The following SLC22A16 variants were observed in gnomAD, a reference collection of about 807,000 sequenced individuals.
The protein encoded by SLC22A16 is WUGSC:RG331P03.1.
Under a neutral mutation model 52.9 loss-of-function variants are expected in SLC22A16, and 53 were observed. That is an observed-to-expected ratio of 1.00 (90% confidence interval 0.80 to 1.26). SLC22A16 has a LOEUF of 1.26. SLC22A16 is among the 50% of genes most tolerant of loss of function. The probability of loss-of-function intolerance (pLI) is 0.00; values close to 1 mark genes in which losing one functional copy is unlikely to be tolerated. For synonymous variants in SLC22A16, 291 were observed against 268.8 expected, an observed-to-expected ratio of 1.08 and a Z score of -0.81; for missense variants, 726 against 704.0, an observed-to-expected ratio of 1.03 and a Z score of -0.35.
chr6:110,462,513 C>T lies in SLC22A16; in HGVS notation c.54-5496G>A, dbSNP rs1425236251. Among the ~76,000 whole-genome samples, 5 of 152,008 alleles carry T rather than the reference C, an allele frequency of 3.3e-5. No individual in the cohort carries two copies. The East Asian group carries it at 9.7e-4, about 29-fold the overall frequency. ...CTTTAACTATAGTGAAAGACTAGACCAAGCAGAAAAGATAATTTCAGAGCT... is the reference window on the plus strand; with the variant it reads ...CTTTAACTATAGTGAAAGACTAGACTAAGCAGAAAAGATAATTTCAGAGCT... On this transcript the variant is annotated intron_variant, in intron 1 of 7. Coordinates refer to ENST00000368919, the MANE Select transcript of SLC22A16 (RefSeq NM_033125.4).
At chr6:110,473,254 TGAA>T (rs1176768866) in intron 1 of SLC22A16, among the ~76,000 whole-genome samples, 8 of 152,084 alleles carry the variant, frequency 5.3e-5, no homozygotes, top group African/African-American at 1.9e-4. Context: ...TATCCATTGA[TGAA>T]GGTCTGCCAC....
chr6:110,441,552 G>A (rs930133847), intron 4 of SLC22A16, among the ~76,000 whole-genome samples: 18 of 152,334 alleles, frequency 1.2e-4, no homozygotes, highest in Non-Finnish European at 2.2e-4. Context: ...GGCAACGTTT[G>A]TTGGGGATGC....
intron 3 of SLC22A16, 87 bp from the exon 4 acceptor site, chr6:110,442,862 A>G: frequency 8.3e-7 from 1 of 1,204,468 alleles, no homozygotes; most frequent in Non-Finnish European, 1.2e-6. Context: ...ACATATAGGC[A>G]AAAAAGAAAA....
At chr6:110,435,105 T>C (rs999154583) in intron 6 of SLC22A16, among the ~76,000 whole-genome samples, 2 of 152,174 alleles carry the variant, frequency 1.3e-5, no homozygotes, top group African/African-American at 4.8e-5. Context: ...TTTGAGAACC[T>C]CCAGATAAGG....
intron 1 of SLC22A16, among the ~76,000 whole-genome samples, chr6:110,474,557 G>C (rs956651570): frequency 1.1e-4 from 17 of 152,204 alleles, no homozygotes; most frequent in Admixed American, 1.0e-3. Flanking sequence ...GGGAACTCAG[G>C]TAATGATAAT....
chr6:110,453,388 C>T (rs1226662490), intron 2 of SLC22A16, among the ~76,000 whole-genome samples: 2 of 152,092 alleles, frequency 1.3e-5, no homozygotes, highest in Non-Finnish European at 2.9e-5. Context: ...TATGAGAATC[C>T]TCTCAGGCCC....
intron 2 of SLC22A16, among the ~76,000 whole-genome samples, chr6:110,447,578 T>G (rs1775225084): frequency 6.6e-6 from 1 of 152,226 alleles, no homozygotes; most frequent in South Asian, 2.1e-4. Context: ...ATTTGCAAGG[T>G]TGTGCAACCA....
intron 7 of SLC22A16, among the ~76,000 whole-genome samples, chr6:110,430,256 C>G (rs1424701791): frequency 6.6e-6 from 1 of 152,076 alleles, no homozygotes; most frequent in Non-Finnish European, 1.5e-5. Flanking sequence ...CTTGAGGCCA[C>G]TGACCTATCC....
chr6:110,475,871 CA>C (rs1776448313), intron 1 of SLC22A16: 1 of 455,304 alleles, frequency 2.2e-6, no homozygotes, highest in Admixed American at 2.4e-5. Context: ...GTGGTTCCAC[CA>C]TGCGTTGGCT....
intron 2 of SLC22A16, among the ~76,000 whole-genome samples, chr6:110,454,658 T>C (rs1173305889): frequency 2.2e-5 from 1 of 44,508 alleles, no homozygotes; most frequent in Non-Finnish European, 3.4e-5. Context: ...TTATATATAT[T>C]ATATATATTT....
intron 1 of SLC22A16, chr6:110,476,233 A>G (rs1776470578): frequency 1.3e-6 from 1 of 785,868 alleles, no homozygotes. Context: ...TGCCTCCAGC[A>G]TCTGCTGCCG....
intron 6 of SLC22A16, among the ~76,000 whole-genome samples, chr6:110,434,978 G>A (rs937170354): frequency 1.5e-4 from 22 of 151,240 alleles, no homozygotes; most frequent in African/African-American, 1.5e-4. Context: ...ACTCCATCTC[G>A]AAAAAAGAAA....
chr6:110,476,410 A>C, intron 1 of SLC22A16, 112 bp downstream of exon 1: 2 of 1,388,502 alleles, frequency 1.4e-6, no homozygotes, highest in Non-Finnish European at 9.3e-7. Flanking sequence ...GTGAGGAGGA[A>C]GTGGAGATGT....
At chr6:110,459,122 C>G (rs531682505) in intron 1 of SLC22A16, among the ~76,000 whole-genome samples, 3 of 152,252 alleles carry the variant, frequency 2.0e-5, no homozygotes, top group African/African-American at 7.2e-5. Context: ...AGAGACCAAT[C>G]TTTCTTACAT....
chr6:110,436,342 G>T (rs1774728074), intron 5 of SLC22A16, among the ~76,000 whole-genome samples: 1 of 152,158 alleles, frequency 6.6e-6, no homozygotes, highest in Non-Finnish European at 1.5e-5. Context: ...AACAAATTGT[G>T]AGCCGGGCCT....
At chr6:110,435,734 T>G in intron 6 of SLC22A16, 118 bp downstream of exon 6, 1 of 678,884 alleles carries the variant, frequency 1.5e-6, no homozygotes, top group Non-Finnish European at 2.5e-6. Flanking sequence ...TTTTCCCATC[T>G]CAGAGATCCA....
At chr6:110,439,330 G>A (rs1774871649) in intron 4 of SLC22A16, among the ~76,000 whole-genome samples, 1 of 152,172 alleles carries the variant, frequency 6.6e-6, no homozygotes, top group South Asian at 2.1e-4. Flanking sequence ...AAAAAACTAT[G>A]TCATGAAGAT....
chr6:110,428,506 C>T (rs117398333), intron 7 of SLC22A16, among the ~76,000 whole-genome samples: 757 of 152,304 alleles, frequency 5.0e-3, no homozygotes, highest in Middle Eastern at 0.041. Flanking sequence ...ACCTTTAAGG[C>T]GCGTGACCCT....
intron 1 of SLC22A16, among the ~76,000 whole-genome samples, chr6:110,459,288 C>T (rs1267999122): frequency 1.3e-5 from 2 of 152,120 alleles, no homozygotes; most frequent in African/African-American, 4.8e-5. Context: ...GTGGGGAAAC[C>T]TAGAAACTTG....
Sources: allele counts gnomAD v4.1 joint callset (sites outside exome capture counted in the v4.1 genomes callset), GRCh38; gene constraint gnomAD v4.1.1; transcripts MANE v1.5; gene names NCBI Gene and HGNC (gene_info 2026-07-23, HGNC 2026-07-21).